The following DYNC1H1 variants were observed in gnomAD, a reference collection of about 807,000 sequenced individuals.
DYNC1H1 encodes dynein cytoplasmic 1 heavy chain 1.
In DYNC1H1, 51 loss-of-function variants were observed where a neutral mutation model predicts 527.1. That is an observed-to-expected ratio of 0.10 (90% CI 0.08 to 0.12). DYNC1H1 has a LOEUF of 0.12. DYNC1H1 is among the 10% of genes least tolerant of loss of function. The pLI is 1.00. For missense variants in DYNC1H1, 2,771 were observed against 5,971.8 expected, an observed-to-expected ratio of 0.46 and a Z score of 17.66; for synonymous variants, 2,189 against 2,278.8, an observed-to-expected ratio of 0.96 and a Z score of 1.12.
At chr14:102,022,544 G>A (rs1055393779) in intron 42 of DYNC1H1, among the ~76,000 whole-genome samples, 5 of 151,574 alleles carry the variant, frequency 3.3e-5, no homozygotes, top group Non-Finnish European at 2.9e-5. Context: ...AAGTAAGTAA[G>A]TAAATAAATA....
intron 1 of DYNC1H1, among the ~76,000 whole-genome samples, chr14:101,972,896 G>A (rs1036508987): frequency 3.9e-5 from 6 of 152,054 alleles, no homozygotes; most frequent in African/African-American, 4.8e-5. Flanking sequence ...GAAAATCATC[G>A]CAGTACTTTG....
At position 102,029,784 on chromosome 14, in the gene DYNC1H1, G is replaced by A. The variant is rs766793677; in HGVS notation, c.9643-35G>A. The stretch of plus-strand genomic sequence containing the variant: ...ACCCCTTTCCATATAATTTCTGCAT[G>A]TTTCTCGTCTCTGAGTGTGGGCTTT... On this transcript the variant is annotated intron_variant, in intron 49 of 77. Transcript: ENST00000360184. This position sits in a 1 kb window ranked among gnomAD's most constrained non-coding sequence, Gnocchi z 5.3. The A allele has an allele frequency of 1.5e-5, 24 of 1,614,180 alleles. No homozygotes were observed. The South Asian group carries it at 1.9e-4, about 13-fold the overall frequency.
chr14:102,030,689 C>T (rs1344707212), intron 51 of DYNC1H1: 1 of 257,076 alleles, frequency 3.9e-6, no homozygotes, highest in Non-Finnish European at 7.6e-6. Flanking sequence ...GACCCAATTG[C>T]TAATTTAAGT....
intron 9 of DYNC1H1, among the ~76,000 whole-genome samples, chr14:101,987,920 A>G (rs1000114969): frequency 2.6e-5 from 4 of 152,098 alleles, no homozygotes; most frequent in Non-Finnish European, 5.9e-5. Context: ...TCTACTATAA[A>G]TACAAAAACT....
At chr14:102,028,658 C>T (rs2048477367) in intron 48 of DYNC1H1, 1 of 198,088 alleles carries the variant, frequency 5.0e-6, no homozygotes, top group South Asian at 9.2e-5. Context: ...CCGTCTAACA[C>T]TTTAGTGCCC....
chr14:102,042,295 C>CTGTTCT lies in DYNC1H1; in HGVS notation c.12275+8_12275+13dup, dbSNP rs1350972974. On this transcript the variant is annotated splice_region_variant and intron_variant, in intron 67 of 77. Coordinates refer to ENST00000360184, the MANE Select transcript of DYNC1H1 (RefSeq NM_001376.5). This position sits in a 1 kb window ranked among gnomAD's most constrained non-coding sequence, Gnocchi z 5.7. ...CCGCTGTAAAGTCGGGCAGGTAGGC[C>CTGTTCT]TGTTCTCTTTGGCTGAAGAAAGCCT... 2 of 1,613,998 alleles carry CTGTTCT rather than the reference C, an allele frequency of 1.2e-6. No homozygotes were observed. Among genetic ancestry groups the CTGTTCT allele is most frequent in the African/African-American group, 2.7e-5 (2 of 74,928 alleles).
rs140908682 is a variant in DYNC1H1, at chr14:102,003,331, G to A, written c.4883+366G>A. On this transcript the variant is annotated intron_variant, in intron 23 of 77. Coordinates refer to ENST00000360184, the MANE Select transcript of DYNC1H1 (RefSeq NM_001376.5). ...AGGCTGGAGCACGTGGTGCCATCTC[G>A]GCTCACTGCAACCTCCTCCTCCCAG... 5.9e-3 allele frequency among the ~76,000 whole-genome samples: 886 copies of A among 150,142 alleles called. 14 individuals are homozygous for A. The highest frequency in any genetic ancestry group is 0.02 in the African/African-American group (816 of 40,696).
In DYNC1H1 at chr14:102,036,588, C is replaced by T. The variant is rs1471925009; in HGVS notation, c.10854C>T (p.Ala3618=). 6.2e-7 allele frequency: 1 copy of T among 1,614,142 alleles called. No homozygotes were observed. The part of the protein sequence containing the change: ...KITRTSFLDD[A]FRKNLESALR... ...CACGGACCAGCTTCCTGGATGACGC[C>T]TTCAGAAAGAACTTAGAGAGTGCAC... The change falls in exon 57 of 78, where the codon GCC becomes GCT. Residue 3618 remains alanine (A), a synonymous_variant. Coordinates refer to ENST00000360184, the MANE Select transcript of DYNC1H1 (RefSeq NM_001376.5). The surrounding 1 kb of genome is among the most constrained non-coding windows in gnomAD (Gnocchi z 5.6).
At position 101,980,345 on chromosome 14, in the gene DYNC1H1, T is replaced by C. The variant is rs896795652; in HGVS notation, c.775-19T>C. 1.9e-6 allele frequency: 3 copies of C among 1,613,288 alleles called. No homozygotes were observed. Among genetic ancestry groups the C allele is most frequent in the Non-Finnish European group, 2.5e-6 (3 of 1,179,738 alleles). ...TGTTTAAATAGTGAATACCCTTGGGTGTTATTTTATTTTCAAAGGTGACCA... is the reference window on the plus strand; with the variant it reads ...TGTTTAAATAGTGAATACCCTTGGGCGTTATTTTATTTTCAAAGGTGACCA... On this transcript the variant is annotated intron_variant, in intron 4 of 77. Transcript: ENST00000360184.
rs1208921312 is a variant in DYNC1H1 at position 101,986,946 on chromosome 14, G to A, written c.2538+183G>A. Among the ~76,000 whole-genome samples the A allele has an allele frequency of 3.3e-5, 5 of 152,230 alleles. No individual in the cohort carries two copies. The highest frequency in any genetic ancestry group is 3.3e-4 in the Admixed American group (5 of 15,288). ...GGCTATTTAATGGTGCTGGGTTTTA[G>A]GGAGGCCATTAAGTAACAACCTGAG... On this transcript the variant is annotated intron_variant, in intron 8 of 77. Coordinates refer to ENST00000360184, the MANE Select transcript of DYNC1H1 (RefSeq NM_001376.5). This position sits in a 1 kb window ranked among gnomAD's most constrained non-coding sequence, Gnocchi z 8.7.
Position 102,033,761 on chromosome 14 carries a change from C to T in DYNC1H1, c.10414-215C>T, listed in dbSNP as rs2048537559. The stretch of plus-strand genomic sequence containing the variant: ...TGCTCTGCTGCCTGAGGGCCTCGCT[C>T]CGTACCCAGCTTCTGCCCCGCTGAG... On this transcript the variant is annotated intron_variant, in intron 54 of 77. Coordinates refer to ENST00000360184, the MANE Select transcript of DYNC1H1 (RefSeq NM_001376.5). This position sits in a 1 kb window ranked among gnomAD's most constrained non-coding sequence, Gnocchi z 5.6. The T allele has an allele frequency of 2.9e-6, 2 of 690,128 alleles. No homozygotes were observed. Among genetic ancestry groups the T allele is most frequent in the African/African-American group, 1.8e-5 (1 of 56,212 alleles). The allele number at this position is 690,128 out of a possible 1,614,324, so 42.8% of individuals were successfully genotyped here.
Position 102,016,643 on chromosome 14 carries a change from G to T in DYNC1H1, c.7615-123G>T. Reference sequence around the variant, plus strand: ...TTTTAGTTCCATGTGTTAGCAAAGAGTGCAGATTAACCTGACCAATTACTT... The same window carrying T: ...TTTTAGTTCCATGTGTTAGCAAAGATTGCAGATTAACCTGACCAATTACTT... On this transcript the variant is annotated intron_variant, in intron 37 of 77. Transcript: ENST00000360184. This position sits in a 1 kb window ranked among gnomAD's most constrained non-coding sequence, Gnocchi z 7.3. 1 of 1,543,038 alleles carries T rather than the reference G, an allele frequency of 6.5e-7. No individual in the cohort carries two copies. The highest frequency in any genetic ancestry group is 8.9e-7 in the Non-Finnish European group (1 of 1,128,326).
At position 102,033,472 on chromosome 14, in the gene DYNC1H1, T is replaced by C; in HGVS notation, c.10401T>C (p.Ala3467=). The C allele has an allele frequency of 2.5e-6, 4 of 1,614,128 alleles. No individual in the cohort carries two copies. Among genetic ancestry groups the C allele is most frequent in the Non-Finnish European group, 2.5e-6 (3 of 1,180,036 alleles). ...AGGCCATCAAGGCAGACCTGGCAGC[T>C]GTCGAGGCAAAAGTAAGATTATCAT... ...EAQAIKADLA[A]VEAKVNRSTA... is the part of the protein sequence containing the mutation. The change falls in exon 54 of 78, where the codon GCT becomes GCC. Residue 3467 remains alanine, a synonymous_variant. Coordinates refer to ENST00000360184, the MANE Select transcript of DYNC1H1 (RefSeq NM_001376.5). This position sits in a 1 kb window ranked among gnomAD's most constrained non-coding sequence, Gnocchi z 5.6.
chr14:102,020,890 C>A lies in DYNC1H1; in HGVS notation c.8507+834C>A, dbSNP rs976071379. Among the ~76,000 whole-genome samples, 4 of 152,114 alleles carry A rather than the reference C, an allele frequency of 2.6e-5. No individual in the cohort carries two copies. Among genetic ancestry groups the A allele is most frequent in the Admixed American group, 1.3e-4 (2 of 15,270 alleles). ...AGTTGTAATCACTGGGTTTCCAACC[C>A]GAGTCCTTGGCATTCTTGGGCAACA... On this transcript the variant is annotated intron_variant, in intron 42 of 77. Coordinates refer to ENST00000360184, the MANE Select transcript of DYNC1H1 (RefSeq NM_001376.5). This position sits in a 1 kb window ranked among gnomAD's most constrained non-coding sequence, Gnocchi z 4.3.
chr14:102,040,246 T>C lies in DYNC1H1; in HGVS notation c.11701T>C (p.Tyr3901His). Residue 3901 changes from tyrosine to histidine, a missense_variant, in exon 63 of 78, where the codon TAC becomes CAC. This residue lies in a region of DYNC1H1 where 120 missense variants were observed against 161.9 expected (regional missense o/e 0.74). Coordinates refer to ENST00000360184, the MANE Select transcript of DYNC1H1 (RefSeq NM_001376.5). ...KLKGTVGEPT[Y>H]DAEFQHFLRG... ...TTGCACCCTTCGCAGGGAGCCCACC[T>C]ACGATGCAGAATTCCAGCACTTCTT... is the stretch of plus-strand genomic sequence containing the variant. 6.2e-7 allele frequency: 1 copy of C among 1,614,152 alleles called. No homozygotes were observed. Among genetic ancestry groups the C allele is most frequent in the Non-Finnish European group, 8.5e-7 (1 of 1,180,038 alleles).
Position 102,010,916 on chromosome 14 carries a change from A to C in DYNC1H1, c.6582A>C (p.Gly2194=). 6.2e-7 allele frequency: 1 copy of C among 1,614,198 alleles called. No homozygotes were observed. The highest frequency in any genetic ancestry group is 1.1e-5 in the South Asian group (1 of 91,086). Reference sequence around the variant, plus strand: ...GTCAGGAGATGTATTTGACATATGGAGATGGAGAAGAAGTTGGTGGAATGT... The same window carrying C: ...GTCAGGAGATGTATTTGACATATGGCGATGGAGAAGAAGTTGGTGGAATGT... ...KVCQEMYLTY[G]DGEEVGGMWV... The change falls in exon 32 of 78, where the codon GGA becomes GGC. Residue 2194 remains glycine (G), a synonymous_variant. Transcript: ENST00000360184. The surrounding 1 kb of genome is among the most constrained non-coding windows in gnomAD (Gnocchi z 6.0).
At position 102,029,616 on chromosome 14, in the gene DYNC1H1, CTA is replaced by C. The variant is rs1386612429; in HGVS notation, c.9548_9549del (p.Tyr3183CysfsTer38). The C allele has an allele frequency of 6.2e-7, 1 of 1,614,124 alleles. No homozygotes were observed. The highest frequency in any genetic ancestry group is 8.5e-7 in the Non-Finnish European group (1 of 1,180,058). The stretch of plus-strand genomic sequence containing the variant: ...GCCACTACCTGGACTTCATCAATCA[CTA>C]TGCCAACCTGTTCCACGAGAAGCGG... ...PRHYLDFINH[Y>X]ANLFHEKRSE... On this transcript the variant is annotated frameshift_variant, in exon 49 of 78. Coordinates refer to ENST00000360184, the MANE Select transcript of DYNC1H1 (RefSeq NM_001376.5). LOFTEE classifies it high-confidence loss of function. This position sits in a 1 kb window ranked among gnomAD's most constrained non-coding sequence, Gnocchi z 5.3.
rs529291636 is a variant in DYNC1H1 at position 101,988,254 on chromosome 14, G to T, written c.2719-449G>T. 3.9e-5 allele frequency among the ~76,000 whole-genome samples: 6 copies of T among 152,162 alleles called. No homozygotes were observed. The South Asian group carries it at 1.2e-3, about 32-fold the overall frequency. Reference sequence around the variant, plus strand: ...CGTGTTACCTTTTCTAGCCCTCCAGGTGTCCTCCTCTGATGACCCTGCCAC... The same window carrying T: ...CGTGTTACCTTTTCTAGCCCTCCAGTTGTCCTCCTCTGATGACCCTGCCAC... On this transcript the variant is annotated intron_variant, in intron 9 of 77. Coordinates refer to ENST00000360184, the MANE Select transcript of DYNC1H1 (RefSeq NM_001376.5).
intron 5 of DYNC1H1, 34 bp from the exon 6 acceptor site, chr14:101,982,985 G>T: frequency 1.2e-6 from 2 of 1,607,526 alleles, no homozygotes; most frequent in South Asian, 1.1e-5. Flanking sequence ...GTTACTTTAT[G>T]TGAAAACCAT....
Sources: allele counts gnomAD v4.1 joint callset (sites outside exome capture counted in the v4.1 genomes callset), GRCh38; gene constraint gnomAD v4.1.1; regional missense constraint gnomAD v4.1.1; non-coding constraint Gnocchi (gnomAD v3.1); transcripts MANE v1.5; gene names NCBI Gene and HGNC (gene_info 2026-07-23, HGNC 2026-07-21).